The following ZRANB1 variants were observed in gnomAD, a reference collection of about 807,000 sequenced individuals.
ZRANB1 encodes the protein ubiquitin thioesterase ZRANB1.
Under a neutral mutation model 80.5 loss-of-function variants are expected in ZRANB1, and 16 were observed. That is an observed-to-expected ratio of 0.20 (90% CI 0.13 to 0.30). ZRANB1 has a LOEUF of 0.30. Ranked by LOEUF, ZRANB1 falls within the 10% of genes least tolerant of loss-of-function variation. The pLI is 1.00. For synonymous variants in ZRANB1, 291 were observed against 293.1 expected (o/e 0.99, Z 0.07); for missense variants, 576 against 862.6 (o/e 0.67, Z 4.16).
chr10:124,960,210 CT>C (rs888764289), intron 1 of ZRANB1, among the ~76,000 whole-genome samples: 1 of 152,012 alleles, frequency 6.6e-6, no homozygotes. Context: ...CATGAACTTT[CT>C]TTTTCAGTGG....
At chr10:124,966,809 CT>C in intron 2 of ZRANB1, 28 bp downstream of exon 2, 4 of 1,584,014 alleles carry the variant, frequency 2.5e-6, no homozygotes, top group Non-Finnish European at 1.7e-6. Flanking sequence ...GTTAAATGTT[CT>C]TTTATATTAA....
chr10:124,923,743 C>T, the ZRANB1 span, among the ~76,000 whole-genome samples: 3 of 151,768 alleles, frequency 2.0e-5, no homozygotes, highest in South Asian at 2.1e-4. Context: ...GGAAGTGCCA[C>T]GCTTTTAAAC....
intron 1 of ZRANB1, among the ~76,000 whole-genome samples, chr10:124,950,257 T>G (rs1331529268): frequency 6.6e-6 from 1 of 152,092 alleles, no homozygotes; most frequent in Non-Finnish European, 1.5e-5. Flanking sequence ...CCCAGGTAGA[T>G]GGGACTACAG....
intron 1 of ZRANB1, among the ~76,000 whole-genome samples, chr10:124,963,212 G>A (rs1037227764): frequency 9.0e-5 from 13 of 143,738 alleles, no homozygotes; most frequent in African/African-American, 2.9e-4. Flanking sequence ...GTTGCAGTGA[G>A]CTAAGATCGC....
the ZRANB1 span, among the ~76,000 whole-genome samples, chr10:124,935,125 A>T: frequency 1.3e-5 from 2 of 152,240 alleles, no homozygotes; most frequent in African/African-American, 4.8e-5. Flanking sequence ...CGTGGATTCA[A>T]TTACATGTTA....
At chr10:124,971,503 C>T (rs959901835) in intron 2 of ZRANB1, among the ~76,000 whole-genome samples, 1 of 152,084 alleles carries the variant, frequency 6.6e-6, no homozygotes, top group African/African-American at 2.4e-5. Context: ...CTTTAAATAC[C>T]GTGCTTTTTT....
rs2134026403 is a variant in ZRANB1, at chr10:124,987,645, T to G, written c.*2653T>G. The G allele has an allele frequency of 6.6e-6, 1 of 152,280 alleles. No individual in the cohort carries two copies. Among genetic ancestry groups the G allele is most frequent in the Non-Finnish European group, 1.5e-5 (1 of 68,028 alleles). 9.4% of individuals were successfully genotyped at this position (152,280 alleles called of 1,614,324 possible). On this transcript the variant is annotated 3_prime_UTR_variant, in exon 9 of 9. Transcript: ENST00000359653. ...ACTATGAGCGCCGTCTCTCTCCATG[T>G]GAGCTTGTGTTAATAGACACTTTTA...
rs367905672 is a variant in ZRANB1 at position 124,943,056 on chromosome 10, C to G, written c.563C>G (p.Thr188Ser). 6.8e-6 allele frequency: 11 copies of G among 1,614,066 alleles called. No individual in the cohort carries two copies. The African/African-American group carries it at 1.3e-4, about 20-fold the overall frequency. Residue 188 changes from threonine to serine, a missense_variant, in exon 1 of 9, where the codon ACT becomes AGT. Transcript: ENST00000359653. Reference sequence around the variant, plus strand: ...ATTGAAGCAATAGAATTGGCAGAGACTGAAGAGGCTTCTTCAATAATAAAT... The same window carrying G: ...ATTGAAGCAATAGAATTGGCAGAGAGTGAAGAGGCTTCTTCAATAATAAAT... ...NNIEAIELAE[T>S]EEASSIINEQ...
chr10:124,974,190 C>T lies in ZRANB1; in HGVS notation c.1229-10C>T, dbSNP rs1554939847. 6.2e-7 allele frequency: 1 copy of T among 1,613,718 alleles called. No individual in the cohort carries two copies. The highest frequency in any genetic ancestry group is 1.1e-5 in the South Asian group (1 of 91,080). ...ATGGAAATGAACATGTATTTAAATC[C>T]ATCGTACAGAATTAGAAGAAGAATC... On this transcript the variant is annotated splice_polypyrimidine_tract_variant and intron_variant, in intron 4 of 8. Coordinates refer to ENST00000359653, the MANE Select transcript of ZRANB1 (RefSeq NM_017580.3).
intron 1 of ZRANB1, among the ~76,000 whole-genome samples, chr10:124,955,551 T>TGTAGCTATGCGTGATACTCTTAA (rs1471047868): frequency 1.3e-5 from 2 of 152,216 alleles, no homozygotes; most frequent in African/African-American, 4.8e-5. Context: ...GTGTGATGCG[T>TGTAGCTATGCGTGATACTCTTAA]GTGTAGCTAT....
chr10:124,936,838 A>G, the ZRANB1 span, among the ~76,000 whole-genome samples: 2 of 152,194 alleles, frequency 1.3e-5, no homozygotes, highest in South Asian at 2.1e-4. Context: ...TATCCCTAAG[A>G]TGTTCTCTGA....
At chr10:124,960,781 A>C (rs535884392) in intron 1 of ZRANB1, among the ~76,000 whole-genome samples, 3 of 152,158 alleles carry the variant, frequency 2.0e-5, no homozygotes, top group African/African-American at 7.2e-5. Flanking sequence ...GGGCTAGACT[A>C]TTCAGTTTCT....
At chr10:124,975,058 C>G (rs2133988260) in intron 5 of ZRANB1, among the ~76,000 whole-genome samples, 1 of 152,318 alleles carries the variant, frequency 6.6e-6, no homozygotes, top group African/African-American at 2.4e-5. Flanking sequence ...CTGGGGCCCC[C>G]AAAGTGCTTG....
rs982136753 is a variant in ZRANB1, at chr10:124,942,802, A to G, written c.309A>G (p.Arg103=). ...CTYLNWPRAI[R]CTQCLSQRRT... is the part of the protein sequence containing the mutation. Reference sequence around the variant, plus strand: ...ATTTGAACTGGCCAAGAGCAATCAGATGTACCCAGTGCTTATCCCAACGTA... The same window carrying G: ...ATTTGAACTGGCCAAGAGCAATCAGGTGTACCCAGTGCTTATCCCAACGTA... Residue 103 remains arginine (R), a synonymous_variant, in exon 1 of 9, where the codon AGA becomes AGG. Transcript: ENST00000359653. 1 of 1,614,232 alleles carries G rather than the reference A, an allele frequency of 6.2e-7. No individual in the cohort carries two copies. Among genetic ancestry groups the G allele is most frequent in the African/African-American group, 1.3e-5 (1 of 75,060 alleles).
intron 2 of ZRANB1, 101 bp downstream of exon 2, chr10:124,966,882 T>G: frequency 8.7e-7 from 1 of 1,148,752 alleles, no homozygotes; most frequent in Non-Finnish European, 1.2e-6. Context: ...AGCTTTAAAA[T>G]GTTTTGAATT....
At position 124,954,911 on chromosome 10, in the gene ZRANB1, C is replaced by T. The variant is rs527273093; in HGVS notation, c.814+11604C>T. Among the ~76,000 whole-genome samples the T allele has an allele frequency of 7.3e-5, 11 of 151,004 alleles. No homozygotes were observed. The East Asian group carries it at 2.1e-3, about 28-fold the overall frequency. ...TTGGGAGGCCGAGGTGGGCAGATCA[C>T]GAGGTCAGGAGATCGAGACCATCCT... On this transcript the variant is annotated intron_variant, in intron 1 of 8. Coordinates refer to ENST00000359653, the MANE Select transcript of ZRANB1 (RefSeq NM_017580.3).
At chr10:124,924,738 T>G in the ZRANB1 span, among the ~76,000 whole-genome samples, 13 of 152,210 alleles carry the variant, frequency 8.5e-5, no homozygotes, top group Admixed American at 1.3e-4. Flanking sequence ...TTTTTTCCAC[T>G]TTTTGGCTAT....
chr10:124,978,822 T>A (rs1484265791), intron 5 of ZRANB1, among the ~76,000 whole-genome samples: 1 of 151,296 alleles, frequency 6.6e-6, no homozygotes, highest in Non-Finnish European at 1.5e-5. Context: ...TTTTGTATTT[T>A]TTTGTAGAGA....
chr10:124,940,611 C>A, upstream of ZRANB1: 1 of 1,084,726 alleles, frequency 9.2e-7, no homozygotes, highest in Non-Finnish European at 1.2e-6. Flanking sequence ...TTTTTTTCTT[C>A]TTAGCAGAGT....
Sources: allele counts gnomAD v4.1 joint callset (sites outside exome capture counted in the v4.1 genomes callset), GRCh38; gene constraint gnomAD v4.1.1; transcripts MANE v1.5; gene names NCBI Gene and HGNC (gene_info 2026-07-23, HGNC 2026-07-21).